BZW2: variants seen among roughly 807,000 people sequenced by gnomAD.
BZW2 encodes eIF5-mimic protein 1.
Under a neutral mutation model 53.2 loss-of-function variants are expected in BZW2, and 23 were observed. The ratio of observed to expected loss-of-function variants is 0.43; its 90% CI spans 0.31 to 0.61. The LOEUF is 0.61. BZW2 is among the 20% of genes least tolerant of loss of function. The probability of loss-of-function intolerance (pLI) is 0.09; values close to 1 mark genes in which losing one functional copy is unlikely to be tolerated. For synonymous variants in BZW2, 227 were observed against 186.4 expected, an observed-to-expected ratio of 1.22 and a Z score of -1.77; for missense variants, 409 against 503.1, an observed-to-expected ratio of 0.81 and a Z score of 1.79.
intron 2 of BZW2, among the ~76,000 whole-genome samples, chr7:16,672,976 C>T (rs528250524): frequency 9.9e-5 from 15 of 151,384 alleles, no homozygotes; most frequent in African/African-American, 1.9e-4. Context: ...AACGGAGTCT[C>T]GCTCTGTCAC....
intron 2 of BZW2, among the ~76,000 whole-genome samples, chr7:16,671,523 C>G (rs994479297): frequency 2.0e-5 from 3 of 152,132 alleles, no homozygotes; most frequent in African/African-American, 7.2e-5. Flanking sequence ...TATTGCCTGT[C>G]TTGTTTTTTC....
At chr7:16,685,563 T>C (rs1783090849) in intron 5 of BZW2, among the ~76,000 whole-genome samples, 1 of 152,142 alleles carries the variant, frequency 6.6e-6, no homozygotes, top group Non-Finnish European at 1.5e-5. Flanking sequence ...TCAGAAAACA[T>C]GTCCATCATG....
At chr7:16,651,018 T>C (rs180744137) in intron 1 of BZW2, among the ~76,000 whole-genome samples, 2 of 152,354 alleles carry the variant, frequency 1.3e-5, no homozygotes. Context: ...TGATGTTTTT[T>C]AAGTTTATTC....
At chr7:16,696,868 C>A in intron 8 of BZW2, 47 bp from the exon 9 acceptor site, 1 of 1,595,768 alleles carries the variant, frequency 6.3e-7, no homozygotes, top group African/African-American at 1.3e-5. Flanking sequence ...GAGATGGGAG[C>A]CCTCCATCTG....
chr7:16,646,679 T>C (rs887564310), intron 1 of BZW2, among the ~76,000 whole-genome samples: 46 of 152,132 alleles, frequency 3.0e-4, no homozygotes, highest in Non-Finnish European at 6.5e-4. Flanking sequence ...CAGCGCCCCA[T>C]TACTAGCGAG....
intron 3 of BZW2, among the ~76,000 whole-genome samples, chr7:16,675,913 C>G (rs1782750030): frequency 1.3e-5 from 2 of 152,002 alleles, no homozygotes; most frequent in Non-Finnish European, 2.9e-5. Flanking sequence ...AACCCCGTGT[C>G]TATAAAAAAA....
At chr7:16,669,983 A>C (rs1782550149) in intron 2 of BZW2, among the ~76,000 whole-genome samples, 1 of 152,238 alleles carries the variant, frequency 6.6e-6, no homozygotes, top group Admixed American at 6.5e-5. Context: ...GTACTTTCAG[A>C]TGAAAAAGAC....
intron 10 of BZW2, among the ~76,000 whole-genome samples, chr7:16,701,342 T>A (rs1272847398): frequency 5.9e-5 from 9 of 152,194 alleles, no homozygotes; most frequent in Admixed American, 1.3e-4. Flanking sequence ...TGTCAAGTAC[T>A]GTTATTATCT....
chr7:16,665,392 A>G, intron 1 of BZW2, 45 bp from the exon 2 acceptor site: 10 of 1,612,088 alleles, frequency 6.2e-6, no homozygotes, highest in Non-Finnish European at 8.5e-6. Flanking sequence ...TTTCCATATA[A>G]ACTGCTTATC....
At chr7:16,651,440 C>G (rs969661440) in intron 1 of BZW2, among the ~76,000 whole-genome samples, 1 of 152,156 alleles carries the variant, frequency 6.6e-6, no homozygotes, top group African/African-American at 2.4e-5. Flanking sequence ...TAATGGTTTT[C>G]AAACTAACCT....
chr7:16,652,669 C>A (rs372711668), intron 1 of BZW2, among the ~76,000 whole-genome samples: 1 of 152,044 alleles, frequency 6.6e-6, no homozygotes, highest in African/African-American at 2.4e-5. Context: ...GGATTACAGG[C>A]GCCTGCCACC....
intron 10 of BZW2, among the ~76,000 whole-genome samples, chr7:16,703,397 A>G (rs1027576565): frequency 3.3e-5 from 5 of 152,204 alleles, no homozygotes; most frequent in African/African-American, 9.6e-5. Flanking sequence ...CCAAGAGCCA[A>G]TAATTCTTTA....
chr7:16,696,110 AAT>A (rs1783477207), intron 8 of BZW2: 1 of 152,126 alleles, frequency 6.6e-6, no homozygotes, highest in Non-Finnish European at 1.5e-5. Flanking sequence ...TCAAGAAAGC[AAT>A]GTGTTTCCAG....
intron 7 of BZW2, among the ~76,000 whole-genome samples, chr7:16,690,360 C>T (rs1783262525): frequency 6.6e-6 from 1 of 152,050 alleles, no homozygotes; most frequent in Non-Finnish European, 1.5e-5. Flanking sequence ...CTCCACCACA[C>T]CCAGCTAATT....
At chr7:16,654,519 C>A (rs1428428018) in intron 1 of BZW2, among the ~76,000 whole-genome samples, 6 of 142,074 alleles carry the variant, frequency 4.2e-5, no homozygotes, top group Non-Finnish European at 9.2e-5. Context: ...ACCCCCCCCC[C>A]CCAAAAAAAA....
chr7:16,688,740 T>G (rs993753057), intron 6 of BZW2: 1 of 152,240 alleles, frequency 6.6e-6, no homozygotes, highest in Admixed American at 6.5e-5. Flanking sequence ...AAATTTGAAG[T>G]GTTCATAGAA....
intron 7 of BZW2, among the ~76,000 whole-genome samples, chr7:16,691,380 A>T (rs1230130432): frequency 6.6e-6 from 1 of 152,232 alleles, no homozygotes; most frequent in Non-Finnish European, 1.5e-5. Flanking sequence ...GTGGAGGTTC[A>T]TATGAAGGGA....
chr7:16,682,113 T>TACAC (rs1306968700), intron 4 of BZW2, among the ~76,000 whole-genome samples: 3 of 152,184 alleles, frequency 2.0e-5, no homozygotes, highest in Non-Finnish European at 4.4e-5. Context: ...AGGAAACGAA[T>TACAC]ACACCAAGAG....
chr7:16,676,591 A>G (rs1782772842), intron 3 of BZW2, among the ~76,000 whole-genome samples: 1 of 152,078 alleles, frequency 6.6e-6, no homozygotes, highest in Admixed American at 6.5e-5. Flanking sequence ...TAACAATGTT[A>G]GCTACCTAAT....
Sources: allele counts gnomAD v4.1 joint callset (sites outside exome capture counted in the v4.1 genomes callset), GRCh38; gene constraint gnomAD v4.1.1; transcripts MANE v1.5; gene names NCBI Gene and HGNC (gene_info 2026-07-23, HGNC 2026-07-21).